GLMN: variants seen among roughly 807,000 people sequenced by gnomAD.
GLMN encodes glomulin, FKBP associated protein.
GLMN carries 75 observed loss-of-function variants against 87.8 expected under a neutral mutation model. The ratio of observed to expected loss-of-function variants is 0.85; its 90% confidence interval spans 0.71 to 1.04. The LOEUF is 1.04. Among genes scored for constraint, GLMN ranks in the 50% least tolerant of loss-of-function variants. GLMN has a pLI of 0.00. For synonymous variants in GLMN, 206 were observed against 221.6 expected (o/e 0.93, Z 0.63); for missense variants, 588 against 658.8 (o/e 0.89, Z 1.18).
At chr1:92,260,030 C>A (rs778246456) in intron 16 of GLMN, among the ~76,000 whole-genome samples, 9 of 152,076 alleles carry the variant, frequency 5.9e-5, no homozygotes, top group Non-Finnish European at 1.3e-4. Flanking sequence ...CCACCACGCC[C>A]AGCCCATTTT....
At chr1:92,285,298 G>T (rs1306967579) in intron 7 of GLMN, among the ~76,000 whole-genome samples, 1 of 152,158 alleles carries the variant, frequency 6.6e-6, no homozygotes, top group African/African-American at 2.4e-5. Context: ...AAAAGGATGA[G>T]TTCATGTCCT....
At chr1:92,300,770 G>A (rs375184460), upstream of GLMN, among the ~76,000 whole-genome samples, 6 of 152,254 alleles carry the variant, frequency 3.9e-5, no homozygotes, top group East Asian at 7.7e-4. Flanking sequence ...ATTGGCTTTG[G>A]TCTTAATTTA....
At chr1:92,312,432 AAT>A in the GLMN span, among the ~76,000 whole-genome samples, 1 of 151,988 alleles carries the variant, frequency 6.6e-6, no homozygotes, top group Non-Finnish European at 1.5e-5. Flanking sequence ...AAAAAAAAAA[AAT>A]TGAAGTCAGT....
chr1:92,359,468 C>T, the GLMN span, among the ~76,000 whole-genome samples: 1 of 152,124 alleles, frequency 6.6e-6, no homozygotes, highest in Non-Finnish European at 1.5e-5. Flanking sequence ...TACAGGCATG[C>T]GCCACCATGC....
upstream of GLMN, among the ~76,000 whole-genome samples, chr1:92,303,795 A>C (rs112339166): frequency 7.8e-3 from 1,183 of 152,204 alleles, 6 homozygotes; most frequent in African/African-American, 0.027. Flanking sequence ...AATGCTCACT[A>C]TATGTTGAGC....
chr1:92,258,171 A>G (rs1387347672), intron 16 of GLMN, among the ~76,000 whole-genome samples: 1 of 152,236 alleles, frequency 6.6e-6, no homozygotes, highest in African/African-American at 2.4e-5. Context: ...ATCACTGGTC[A>G]TTAGAGAAAT....
rs1557568010 is a variant in GLMN, at chr1:92,291,450, CTT to C, written c.251_252del (p.Lys84SerfsTer7). The C allele has an allele frequency of 3.1e-6, 5 of 1,594,940 alleles. No individual in the cohort carries two copies. Among genetic ancestry groups the C allele is most frequent in the Non-Finnish European group, 4.3e-6 (5 of 1,162,586 alleles). On this transcript the variant is annotated frameshift_variant, in exon 4 of 19. Transcript: ENST00000370360. LOFTEE classifies it high-confidence loss of function. The stretch of plus-strand genomic sequence containing the variant: ...AATAAATCAAAGATCAAAAAATAAA[CTT>C]TTCTTTTACTATCCTCTTTATCTTT... ...LCKDKEDSKR[K>X]VYFLIFDLLV...
chr1:92,309,320 T>C, the GLMN span, among the ~76,000 whole-genome samples: 1 of 151,760 alleles, frequency 6.6e-6, no homozygotes, highest in Admixed American at 6.6e-5. Flanking sequence ...CACATGCCTG[T>C]AGTCTCAGCT....
chr1:92,355,747 C>T, the GLMN span, among the ~76,000 whole-genome samples: 10 of 152,148 alleles, frequency 6.6e-5, no homozygotes, highest in Non-Finnish European at 1.2e-4. Context: ...TCAGCACCAA[C>T]ATGATGCTCA....
chr1:92,341,677 C>T, the GLMN span, among the ~76,000 whole-genome samples: 9 of 152,190 alleles, frequency 5.9e-5, no homozygotes, highest in Non-Finnish European at 1.0e-4. Flanking sequence ...TTGTATCTTG[C>T]TCTGTCGTCC....
chr1:92,359,147 A>G, the GLMN span, among the ~76,000 whole-genome samples: 2 of 152,230 alleles, frequency 1.3e-5, no homozygotes, highest in African/African-American at 2.4e-5. Flanking sequence ...AAAGGAAGAG[A>G]CAAATTATGA....
At chr1:92,351,327 AAG>A in the GLMN span, among the ~76,000 whole-genome samples, 673 of 142,026 alleles carry the variant, frequency 4.7e-3, 12 homozygotes, top group African/African-American at 0.017. Flanking sequence ...AAAAAAAAAA[AAG>A]AAAGGACCAT....
At chr1:92,324,114 C>A in the GLMN span, 1 of 1,614,020 alleles carries the variant, frequency 6.2e-7, no homozygotes, top group Non-Finnish European at 8.5e-7. Context: ...GTCTGAAACC[C>A]GAAGCCTCTC....
At chr1:92,302,341 A>C (rs913048687), upstream of GLMN, among the ~76,000 whole-genome samples, 1 of 151,772 alleles carries the variant, frequency 6.6e-6, no homozygotes, top group Non-Finnish European at 1.5e-5. Flanking sequence ...AAAAAAAAAA[A>C]AAGAAAAAGC....
chr1:92,366,779 GGCATTTT>G, the GLMN span, among the ~76,000 whole-genome samples: 1 of 152,024 alleles, frequency 6.6e-6, no homozygotes, highest in Non-Finnish European at 1.5e-5. Flanking sequence ...ATCTGAGAGA[GGCATTTT>G]GCAAAATGTC....
chr1:92,343,886 A>G, the GLMN span, among the ~76,000 whole-genome samples: 2 of 152,200 alleles, frequency 1.3e-5, no homozygotes, highest in African/African-American at 4.8e-5. Context: ...CAAAGATGAC[A>G]TAAGGAAACT....
In GLMN at chr1:92,262,853, C is replaced by G; in HGVS notation, c.1473+10G>C. ...TATACTCACAGTTTCTTTTCAAATA[C>G]TTCACTTACTTGATTGTCATTTTCA... is the stretch of plus-strand genomic sequence containing the variant. On this transcript the variant is annotated intron_variant, in intron 16 of 18. Coordinates refer to ENST00000370360, the MANE Select transcript of GLMN (RefSeq NM_053274.3). The G allele has an allele frequency of 9.5e-7, 1 of 1,049,230 alleles. No homozygotes were observed. Among genetic ancestry groups the G allele is most frequent in the South Asian group, 1.3e-5 (1 of 79,702 alleles). 65.0% of individuals were successfully genotyped at this position (1,049,230 alleles called of 1,614,324 possible). A position where few individuals can be genotyped will look rare whatever the true frequency, so the allele number is the denominator to read the frequency against.
chr1:92,256,909 A>ATCAG (rs1654349317), intron 16 of GLMN, among the ~76,000 whole-genome samples: 1 of 151,942 alleles, frequency 6.6e-6, no homozygotes, highest in African/African-American at 2.4e-5. Context: ...GCTCAGGGCA[A>ATCAG]TCAGGCAAGA....
At chr1:92,249,622 T>C (rs921788350) in intron 16 of GLMN, among the ~76,000 whole-genome samples, 3 of 152,316 alleles carry the variant, frequency 2.0e-5, no homozygotes, top group Admixed American at 2.0e-4. Flanking sequence ...ATCATTTCTA[T>C]GGGTTGGTAA....
Sources: allele counts gnomAD v4.1 joint callset (sites outside exome capture counted in the v4.1 genomes callset), GRCh38; gene constraint gnomAD v4.1.1; transcripts MANE v1.5; gene names NCBI Gene and HGNC (gene_info 2026-07-23, HGNC 2026-07-21).